Variants in ZNF407 observed in about 807,000 individuals in gnomAD.
ZNF407 encodes the protein zinc finger protein 407.
Under a neutral mutation model 131.2 loss-of-function variants are expected in ZNF407, and 17 were observed. The observed-to-expected ratio is 0.13, with a 90% CI of 0.09 to 0.19. The LOEUF (loss-of-function observed/expected upper bound fraction) is 0.19. ZNF407 is among the 10% of genes least tolerant of loss of function. The pLI, the probability that ZNF407 is intolerant of heterozygous loss-of-function variation, is 1.00. For missense variants in ZNF407, 2,681 were observed against 2,830.6 expected, an observed-to-expected ratio of 0.95 and a Z score of 1.20; for synonymous variants, 1,156 against 1,062.0, an observed-to-expected ratio of 1.09 and a Z score of -1.72.
At chr18:74,706,940 CTTTTTTTTTTTTTT>C (rs34700805) in intron 3 of ZNF407, among the ~76,000 whole-genome samples, 97,131 of 135,060 alleles carry the variant, frequency 0.72, 33,954 homozygotes, top group East Asian at 0.83. Flanking sequence ...AAGACAGCAG[CTTTTTTTTTTTTTT>C]TTTTTTTTTT....
intron 6 of ZNF407, among the ~76,000 whole-genome samples, chr18:74,889,685 C>A (rs1971358421): frequency 6.6e-6 from 1 of 152,056 alleles, no homozygotes; most frequent in Non-Finnish European, 1.5e-5. Context: ...AAACCTTGAC[C>A]ATATAATCTA....
At chr18:75,013,525 A>G (rs1402253389) in intron 8 of ZNF407, among the ~76,000 whole-genome samples, 1 of 152,170 alleles carries the variant, frequency 6.6e-6, no homozygotes, top group Non-Finnish European at 1.5e-5. Context: ...CAGAGGAAAG[A>G]AAGGCAGCAG....
At chr18:74,826,276 A>G (rs1237909083) in intron 4 of ZNF407, among the ~76,000 whole-genome samples, 3 of 152,172 alleles carry the variant, frequency 2.0e-5, no homozygotes. Flanking sequence ...TAGAAAACTG[A>G]TAGGAGAGAG....
At chr18:74,907,645 T>G (rs1176334680) in intron 7 of ZNF407, among the ~76,000 whole-genome samples, 1 of 152,184 alleles carries the variant, frequency 6.6e-6, no homozygotes, top group East Asian at 1.9e-4. Context: ...GGTATAGAAT[T>G]CCCTAGTATG....
chr18:74,777,633 T>C lies in ZNF407; in HGVS notation c.4803-3795T>C, dbSNP rs530392699. Among the ~76,000 whole-genome samples the C allele has an allele frequency of 5.3e-5, 8 of 152,312 alleles. No individual in the cohort carries two copies. In the East Asian group the frequency reaches 1.3e-3, roughly 26 times the overall value. ...AAATTTGGTTAGCTCTGATTACAAA[T>C]ATATATCCCAAATCTGACCACGTCT... On this transcript the variant is annotated intron_variant, in intron 3 of 8. Transcript: ENST00000299687.
intron 1 of ZNF407, among the ~76,000 whole-genome samples, chr18:74,611,577 A>C (rs977228127): frequency 6.6e-6 from 1 of 152,214 alleles, no homozygotes; most frequent in African/African-American, 2.4e-5. Flanking sequence ...GATTGGCAAC[A>C]ATGTAAAAAG....
At chr18:74,763,482 A>G (rs919356672) in intron 3 of ZNF407, among the ~76,000 whole-genome samples, 3 of 151,366 alleles carry the variant, frequency 2.0e-5, no homozygotes, top group Non-Finnish European at 4.4e-5. Flanking sequence ...TTTTTGTGTA[A>G]TATCCCAGAA....
intron 4 of ZNF407, among the ~76,000 whole-genome samples, chr18:74,782,809 CG>C (rs1349902994): frequency 6.6e-6 from 1 of 151,722 alleles, no homozygotes; most frequent in Non-Finnish European, 1.5e-5. Context: ...TTAGTAGAGA[CG>C]GGGTTTCACT....
intron 1 of ZNF407, among the ~76,000 whole-genome samples, chr18:74,623,640 G>A (rs1465512606): frequency 6.6e-6 from 1 of 152,210 alleles, no homozygotes; most frequent in African/African-American, 2.4e-5. Flanking sequence ...CGGCCAGCAG[G>A]TGTCATCAGA....
At chr18:74,705,896 A>T (rs1599084716) in intron 3 of ZNF407, among the ~76,000 whole-genome samples, 1 of 152,242 alleles carries the variant, frequency 6.6e-6, no homozygotes, top group South Asian at 2.1e-4. Flanking sequence ...TCTACATTGT[A>T]TCCTAGTACT....
intron 8 of ZNF407, among the ~76,000 whole-genome samples, chr18:75,014,676 G>T (rs900758985): frequency 3.0e-4 from 46 of 152,010 alleles, no homozygotes; most frequent in African/African-American, 1.0e-3. Context: ...TGCATTGAGG[G>T]TAAGGGACAT....
chr18:74,614,097 A>C (rs1983180594), intron 1 of ZNF407, among the ~76,000 whole-genome samples: 1 of 152,358 alleles, frequency 6.6e-6, no homozygotes, highest in African/African-American at 2.4e-5. Context: ...GAGGAATAGC[A>C]GTTACAGGAG....
At chr18:74,908,559 A>G (rs1327091746) in intron 7 of ZNF407, among the ~76,000 whole-genome samples, 3 of 152,126 alleles carry the variant, frequency 2.0e-5, no homozygotes, top group Non-Finnish European at 1.5e-5. Context: ...ACATGCATCT[A>G]TTTGCTAAAC....
chr18:74,692,617 G>C (rs2144802353), intron 3 of ZNF407, among the ~76,000 whole-genome samples: 1 of 152,210 alleles, frequency 6.6e-6, no homozygotes, highest in Middle Eastern at 3.4e-3. Flanking sequence ...TCTTGGGGAG[G>C]AGTTTCCTGC....
At chr18:74,933,556 G>A (rs1180619360) in intron 8 of ZNF407, among the ~76,000 whole-genome samples, 1 of 152,168 alleles carries the variant, frequency 6.6e-6, no homozygotes, top group East Asian at 1.9e-4. Flanking sequence ...TAACTTTTAT[G>A]TATGGTTTAC....
intron 3 of ZNF407, among the ~76,000 whole-genome samples, chr18:74,678,319 T>TTTACTC (rs1568162537): frequency 2.6e-5 from 4 of 152,208 alleles, no homozygotes; most frequent in Non-Finnish European, 4.4e-5. Context: ...CCCATTTACT[T>TTTACTC]CTGCATTACC....
At chr18:74,829,261 G>A (rs1440136617) in intron 4 of ZNF407, among the ~76,000 whole-genome samples, 3 of 152,204 alleles carry the variant, frequency 2.0e-5, no homozygotes, top group African/African-American at 7.2e-5. Flanking sequence ...TGAGTAGCCT[G>A]TAGTCAGAAT....
intron 1 of ZNF407, among the ~76,000 whole-genome samples, chr18:74,616,039 T>C (rs1983276420): frequency 6.6e-6 from 1 of 152,120 alleles, no homozygotes; most frequent in African/African-American, 2.4e-5. Context: ...CCTATTATAG[T>C]TTTAATTGTT....
intron 3 of ZNF407, among the ~76,000 whole-genome samples, chr18:74,739,127 C>A (rs896142014): frequency 3.3e-5 from 5 of 150,928 alleles, no homozygotes; most frequent in African/African-American, 1.2e-4. Context: ...AATTTATCTC[C>A]CTAAAGATGT....
Sources: allele counts gnomAD v4.1 joint callset (sites outside exome capture counted in the v4.1 genomes callset), GRCh38; gene constraint gnomAD v4.1.1; transcripts MANE v1.5; gene names NCBI Gene and HGNC (gene_info 2026-07-23, HGNC 2026-07-21).